NUP153: variants seen among roughly 807,000 people sequenced by gnomAD.
NUP153 encodes nucleoporin 153.
A neutral mutation model predicts 134.6 loss-of-function variants in NUP153; 27 were observed. The observed-to-expected ratio is 0.20, with a 90% confidence interval of 0.15 to 0.28. NUP153 has a LOEUF of 0.28. NUP153 is among the 10% of genes least tolerant of loss of function. The pLI, the probability that NUP153 is intolerant of heterozygous loss-of-function variation, is 1.00. For synonymous variants in NUP153, 640 were observed against 623.5 expected (o/e 1.03, Z -0.40); for missense variants, 1,821 against 1,731.3 (o/e 1.05, Z -0.92).
At chr6:17,673,713 A>C (rs1768049522) in intron 5 of NUP153, among the ~76,000 whole-genome samples, 1 of 152,156 alleles carries the variant, frequency 6.6e-6, no homozygotes, top group Admixed American at 6.6e-5. Flanking sequence ...TGACACCACC[A>C]AGTGCTGACA....
chr6:17,688,459 C>G lies in NUP153; in HGVS notation c.271G>C (p.Glu91Gln). 6.2e-7 allele frequency: 1 copy of G among 1,614,182 alleles called. No individual in the cohort carries two copies. Among genetic ancestry groups the G allele is most frequent in the Non-Finnish European group, 8.5e-7 (1 of 1,180,024 alleles). ...NKEDHLVYAD[E>Q]ESSNITDGRI... is the part of the protein sequence containing the mutation. ...CCATCAGTAATATTAGAGCTCTCCT[C>G]ATCGGCATATACCAGATGGTCCTCT... The change falls in exon 2 of 22, where the codon GAG becomes CAG. Residue 91 changes from glutamate (E) to glutamine (Q), a missense_variant. Glu to Gln is a conservative substitution (Grantham distance 29). Coordinates refer to ENST00000262077, the MANE Select transcript of NUP153 (RefSeq NM_005124.4).
intron 1 of NUP153, among the ~76,000 whole-genome samples, chr6:17,696,285 G>A (rs914403114): frequency 6.6e-6 from 1 of 152,142 alleles, no homozygotes; most frequent in Admixed American, 6.5e-5. Flanking sequence ...CTGACAAGAG[G>A]AAAAACGGTT....
At position 17,669,464 on chromosome 6, in the gene NUP153, A is replaced by G; in HGVS notation, c.935T>C (p.Leu312Ser). ...GCTTGACATCTTCTCTAAAGACTGC[A>G]ATATTCGCCGAGCTGTTGAACTGGT... is the stretch of plus-strand genomic sequence containing the variant. ...GVTSSTARRILQSLEKMSSPL... is the reference protein window; with the variant it reads ...GVTSSTARRISQSLEKMSSPL... Residue 312 changes from leucine to serine, a missense_variant, in exon 6 of 22, where the codon TTG (leucine) becomes TCG (serine). Coordinates refer to ENST00000262077, the MANE Select transcript of NUP153 (RefSeq NM_005124.4). The G allele has an allele frequency of 6.2e-7, 1 of 1,614,066 alleles. No individual in the cohort carries two copies. The highest frequency in any genetic ancestry group is 8.5e-7 in the Non-Finnish European group (1 of 1,179,920).
intron 17 of NUP153, among the ~76,000 whole-genome samples, chr6:17,629,866 CAT>C (rs1271022457): frequency 2.0e-5 from 3 of 152,178 alleles, no homozygotes; most frequent in East Asian, 1.9e-4. Flanking sequence ...ACACAAAACT[CAT>C]AGAGAGCAAT....
chr6:17,685,827 G>C (rs1768889915), intron 2 of NUP153, among the ~76,000 whole-genome samples: 1 of 151,628 alleles, frequency 6.6e-6, no homozygotes, highest in African/African-American at 2.4e-5. Context: ...TTTATCACTA[G>C]AGTATACTCC....
At chr6:17,701,844 G>GGA (rs1554148666) in intron 1 of NUP153, among the ~76,000 whole-genome samples, 3,472 of 81,714 alleles carry the variant, frequency 0.042, 675 homozygotes, top group Non-Finnish European at 0.051. Flanking sequence ...GGGGGGGGGG[G>GGA]AAAAAAGCTA....
chr6:17,616,941 G>A (rs866319597), intron 20 of NUP153, among the ~76,000 whole-genome samples: 2 of 152,192 alleles, frequency 1.3e-5, no homozygotes, highest in Middle Eastern at 3.4e-3. Context: ...TAGTAGAGAC[G>A]TGGTTTCACC....
In NUP153 at chr6:17,625,901, C is replaced by G; in HGVS notation, c.3808G>C (p.Val1270Leu). 1 of 1,614,184 alleles carries G rather than the reference C, an allele frequency of 6.2e-7. No individual in the cohort carries two copies. Among genetic ancestry groups the G allele is most frequent in the Non-Finnish European group, 8.5e-7 (1 of 1,180,020 alleles). ...LATTSSTGTAVTPFVFGPGAS... is the reference protein window; with the variant it reads ...LATTSSTGTALTPFVFGPGAS... ...CCTGGACCAAAGACAAATGGGGTGACAGCTGTACCTGTGCTGGATGTGGTT... is the reference window on the plus strand; with the variant it reads ...CCTGGACCAAAGACAAATGGGGTGAGAGCTGTACCTGTGCTGGATGTGGTT... The change falls in exon 19 of 22, where the codon GTC becomes CTC. Residue 1270 changes from valine (V) to leucine (L), a missense_variant. By Grantham distance (32) the Val-to-Leu change is conservative (BLOSUM62 1). Coordinates refer to ENST00000262077, the MANE Select transcript of NUP153 (RefSeq NM_005124.4). This position sits in a 1 kb window ranked among gnomAD's most constrained non-coding sequence, Gnocchi z 4.7.
At chr6:17,661,957 T>A in intron 10 of NUP153, 61 bp downstream of exon 10, 1 of 1,342,156 alleles carries the variant, frequency 7.5e-7, no homozygotes. Context: ...TACATGTAAA[T>A]TAAATACAGA....
At chr6:17,659,910 C>T (rs536961966) in intron 11 of NUP153, among the ~76,000 whole-genome samples, 5 of 152,194 alleles carry the variant, frequency 3.3e-5, no homozygotes, top group Admixed American at 2.6e-4. Context: ...TAATGATATA[C>T]AGTAATAGAT....
At chr6:17,646,221 C>A (rs1355267520) in intron 13 of NUP153, 67 bp from the exon 14 acceptor site, 2 of 817,972 alleles carry the variant, frequency 2.4e-6, no homozygotes, top group East Asian at 2.7e-5. Context: ...CTTTTTTATT[C>A]CCCCGAGACG....
Position 17,629,000 on chromosome 6 carries a change from T to G in NUP153, c.3199A>C (p.Thr1067Pro). Residue 1067 changes from threonine to proline, a missense_variant, in exon 18 of 22, where the codon ACA becomes CCA. Coordinates refer to ENST00000262077, the MANE Select transcript of NUP153 (RefSeq NM_005124.4). The surrounding 1 kb of genome is among the most constrained non-coding windows in gnomAD (Gnocchi z 5.4). ...ATTTCTTCTTTTTTAGCTTCTGATGTCTTACATGTGAAAGGAGCCACTGAA... is the reference window on the plus strand; with the variant it reads ...ATTTCTTCTTTTTTAGCTTCTGATGGCTTACATGTGAAAGGAGCCACTGAA... ...SASVAPFTCK[T>P]SEAKKEEMPA... The G allele has an allele frequency of 5.0e-6, 8 of 1,614,176 alleles. No individual in the cohort carries two copies. The highest frequency in any genetic ancestry group is 6.8e-6 in the Non-Finnish European group (8 of 1,180,040).
chr6:17,699,971 A>T (rs1224455082), intron 1 of NUP153, among the ~76,000 whole-genome samples: 1 of 152,236 alleles, frequency 6.6e-6, no homozygotes, highest in Non-Finnish European at 1.5e-5. Flanking sequence ...GTCACTTATT[A>T]GAAAAATTAA....
chr6:17,637,076 A>C (rs1257919440), intron 16 of NUP153, 77 bp downstream of exon 16: 1 of 1,369,362 alleles, frequency 7.3e-7, no homozygotes. Context: ...AAACATCTAA[A>C]ACAAGGATTC....
intron 1 of NUP153, among the ~76,000 whole-genome samples, chr6:17,702,192 A>C (rs1770156034): frequency 6.6e-6 from 1 of 152,144 alleles, no homozygotes; most frequent in Non-Finnish European, 1.5e-5. Context: ...TCAGTTACCT[A>C]TTCACTCTCA....
intron 2 of NUP153, among the ~76,000 whole-genome samples, chr6:17,683,914 G>A (rs1289695060): frequency 1.3e-5 from 2 of 152,154 alleles, no homozygotes; most frequent in African/African-American, 4.8e-5. Flanking sequence ...CTCAATGTTG[G>A]AAGTGGGGTC....
At chr6:17,651,954 G>A (rs1264780985) in intron 11 of NUP153, 1 of 610,784 alleles carries the variant, frequency 1.6e-6, no homozygotes, top group African/African-American at 1.8e-5. Flanking sequence ...AATTGGCGAG[G>A]TATGATGGCA....
Position 17,649,263 on chromosome 6 carries a change from G to A in NUP153, c.1433C>T (p.Pro478Leu), listed in dbSNP as rs61756067. 7.8e-3 allele frequency: 12,575 copies of A among 1,613,346 alleles called. 68 individuals carry two copies. The highest frequency in any genetic ancestry group is 8.8e-3 in the Non-Finnish European group (10,360 of 1,179,668). ...EVPVLPKISL[P>L]ITSSSLPTFN... ...GGTAGGCAGTGAAGAACTGGTGATC[G>A]GTAGAGAGATTTTCGGTAATACTGG... Residue 478 changes from proline (P) to leucine (L), a missense_variant, in exon 12 of 22, where the codon CCG (proline) becomes CTG (leucine). Physicochemically the swap from Pro to Leu is moderately conservative, Grantham distance 98 (BLOSUM62 -3). Transcript: ENST00000262077.
At chr6:17,640,589 T>A (rs561334346) in intron 14 of NUP153, among the ~76,000 whole-genome samples, 2 of 152,314 alleles carry the variant, frequency 1.3e-5, no homozygotes, top group African/African-American at 2.4e-5. Context: ...AACAGTGACA[T>A]GATGAAATAC....
Sources: allele counts gnomAD v4.1 joint callset (sites outside exome capture counted in the v4.1 genomes callset), GRCh38; gene constraint gnomAD v4.1.1; non-coding constraint Gnocchi (gnomAD v3.1); transcripts MANE v1.5; gene names NCBI Gene and HGNC (gene_info 2026-07-23, HGNC 2026-07-21).